The following FSTL5 variants were observed in gnomAD, a reference collection of about 807,000 sequenced individuals.
FSTL5 encodes the protein follistatin like 5.
A neutral mutation model predicts 89.1 loss-of-function variants in FSTL5; 62 were observed. That is an observed-to-expected ratio of 0.70 (90% CI 0.57 to 0.86). The LOEUF is 0.86. Among genes scored for constraint, FSTL5 ranks in the 40% least tolerant of loss-of-function variants. FSTL5 has a pLI of 0.00. For missense variants in FSTL5, 1,057 were observed against 1,001.6 expected (o/e 1.06, Z -0.75); for synonymous variants, 383 against 346.2 (o/e 1.11, Z -1.18).
chr4:161,632,012 G>T (rs1735520868), intron 7 of FSTL5, among the ~76,000 whole-genome samples: 1 of 152,076 alleles, frequency 6.6e-6, no homozygotes, highest in African/African-American at 2.4e-5. Context: ...TTAGCATATA[G>T]AAAATCAACT....
At chr4:161,414,096 GTTTAATTTTGTTAGGTGAA>G (rs1215739969) in intron 15 of FSTL5, among the ~76,000 whole-genome samples, 1 of 151,804 alleles carries the variant, frequency 6.6e-6, no homozygotes, top group African/African-American at 2.4e-5. Flanking sequence ...TAAATAAAAT[GTTTAATTTTGTTAGGTGAA>G]TTTCACTTCA....
rs140667101 is a variant in FSTL5, at chr4:161,767,155, G to T, written c.607-7624C>A. ...GAAATTATCATTAACCTTCTTTCTT[G>T]CAGTGACTTTTTTTCTACATGTTGG... On this transcript the variant is annotated intron_variant, in intron 5 of 15. Transcript: ENST00000306100. Among the ~76,000 whole-genome samples the T allele has an allele frequency of 9.2e-5, 14 of 152,080 alleles. No individual in the cohort carries two copies. In the East Asian group the frequency reaches 2.7e-3, roughly 29 times the overall value.
chr4:161,503,808 T>G (rs1249235676), intron 11 of FSTL5, among the ~76,000 whole-genome samples: 2 of 152,048 alleles, frequency 1.3e-5, no homozygotes, highest in African/African-American at 4.8e-5. Context: ...CTAGCAAGAA[T>G]GAATGGATAA....
intron 1 of FSTL5, among the ~76,000 whole-genome samples, chr4:162,120,741 T>G (rs1561030049): frequency 6.6e-6 from 1 of 152,054 alleles, no homozygotes; most frequent in Non-Finnish European, 1.5e-5. Flanking sequence ...CCTAGCATAG[T>G]ATTTTAAAAA....
chr4:161,552,489 T>C (rs1263694240), intron 8 of FSTL5: 1 of 151,722 alleles, frequency 6.6e-6, no homozygotes, highest in Non-Finnish European at 1.5e-5. Context: ...GCCACTTACA[T>C]GGTCACTGAT....
intron 10 of FSTL5, among the ~76,000 whole-genome samples, chr4:161,533,787 A>G (rs1349065767): frequency 1.3e-4 from 20 of 152,110 alleles, no homozygotes; most frequent in Admixed American, 1.2e-3. Context: ...CAAAAAAGAA[A>G]ACTTCAGGAT....
intron 2 of FSTL5, among the ~76,000 whole-genome samples, chr4:162,088,088 C>T (rs1232683706): frequency 6.6e-6 from 1 of 151,782 alleles, no homozygotes; most frequent in Non-Finnish European, 1.5e-5. Flanking sequence ...TTTTTTCTTC[C>T]ACCCCCATTT....
At chr4:161,670,258 G>A (rs1250789991) in intron 6 of FSTL5, among the ~76,000 whole-genome samples, 2 of 152,168 alleles carry the variant, frequency 1.3e-5, no homozygotes, top group Admixed American at 1.3e-4. Context: ...ACAGGATAAA[G>A]CAATCAGTTA....
At chr4:161,805,320 AGATTT>A (rs1458727760) in intron 4 of FSTL5, among the ~76,000 whole-genome samples, 1 of 152,160 alleles carries the variant, frequency 6.6e-6, no homozygotes, top group African/African-American at 2.4e-5. Flanking sequence ...TGTTCTGATT[AGATTT>A]ATTTGCTGAG....
intron 5 of FSTL5, among the ~76,000 whole-genome samples, 155 bp downstream of exon 5, chr4:161,775,723 G>A (rs1369622486): frequency 6.6e-6 from 1 of 152,026 alleles, no homozygotes; most frequent in Non-Finnish European, 1.5e-5. Context: ...TGCTGATGAT[G>A]TAGTCAAGTT....
At chr4:161,546,179 A>T (rs1330430137) in intron 8 of FSTL5, among the ~76,000 whole-genome samples, 1 of 151,246 alleles carries the variant, frequency 6.6e-6, no homozygotes. Flanking sequence ...GTCAGAAAAA[A>T]ATCATAGCCA....
intron 6 of FSTL5, among the ~76,000 whole-genome samples, chr4:161,701,493 AAC>A (rs1738389450): frequency 6.6e-6 from 1 of 152,104 alleles, no homozygotes; most frequent in Non-Finnish European, 1.5e-5. Context: ...AAAGAAACAG[AAC>A]TATCTTAATA....
intron 4 of FSTL5, among the ~76,000 whole-genome samples, chr4:161,902,029 A>G (rs1236968868): frequency 1.3e-5 from 2 of 152,198 alleles, no homozygotes; most frequent in South Asian, 2.1e-4. Context: ...GTTTTCTTCC[A>G]TTTCTTTAGT....
intron 7 of FSTL5, among the ~76,000 whole-genome samples, chr4:161,590,462 C>A (rs532859843): frequency 6.6e-6 from 1 of 152,232 alleles, no homozygotes; most frequent in South Asian, 2.1e-4. Context: ...TTGCTTGAAC[C>A]CGAGAGGTGG....
At chr4:161,714,367 T>C (rs1738904496) in intron 6 of FSTL5, among the ~76,000 whole-genome samples, 1 of 152,208 alleles carries the variant, frequency 6.6e-6, no homozygotes, top group African/African-American at 2.4e-5. Context: ...TTAAAAGTGA[T>C]CTCCATTTTA....
At chr4:161,683,173 A>G (rs1435073609) in intron 6 of FSTL5, among the ~76,000 whole-genome samples, 6 of 152,180 alleles carry the variant, frequency 3.9e-5, no homozygotes, top group Non-Finnish European at 7.4e-5. Context: ...TGTATGTGCT[A>G]TATTTTTCTA....
intron 15 of FSTL5, chr4:161,386,693 A>C: frequency 2.3e-6 from 1 of 444,288 alleles, no homozygotes; most frequent in Non-Finnish European, 4.0e-6. Flanking sequence ...AATTAAAAGC[A>C]ATACATCTAG....
intron 4 of FSTL5, among the ~76,000 whole-genome samples, chr4:161,874,333 A>C (rs1732371528): frequency 6.6e-6 from 1 of 151,936 alleles, no homozygotes; most frequent in South Asian, 2.1e-4. Context: ...GTTCTGTTTC[A>C]GTTAATATGT....
chr4:162,090,037 C>T (rs1730481585), intron 2 of FSTL5, among the ~76,000 whole-genome samples: 1 of 152,082 alleles, frequency 6.6e-6, no homozygotes, highest in Non-Finnish European at 1.5e-5. Flanking sequence ...ACTGGCTAGC[C>T]ACATGCAAAT....
Sources: gnomAD v4.1 joint callset for allele counts (sites outside exome capture counted in the v4.1 genomes callset) on GRCh38, gnomAD v4.1.1 for gene constraint, MANE v1.5 for transcripts, NCBI Gene and HGNC (gene_info 2026-07-23, HGNC 2026-07-21) for gene names.